Variants in PCDH7 observed in about 807,000 individuals in gnomAD.
PCDH7 encodes protocadherin 7.
Under a neutral mutation model 58.9 loss-of-function variants are expected in PCDH7, and 17 were observed. That is an observed-to-expected ratio of 0.29 (90% CI 0.20 to 0.43). The LOEUF (loss-of-function observed/expected upper bound fraction) is 0.43. PCDH7 is among the 20% of genes least tolerant of loss of function. PCDH7 has a pLI of 1.00. For missense variants in PCDH7, 1,274 were observed against 1,441.0 expected (o/e 0.88, Z 1.88); for synonymous variants, 664 against 616.4 (o/e 1.08, Z -1.14).
chr4:30,838,696 G>A (rs1430814656), intron 1 of PCDH7, among the ~76,000 whole-genome samples: 1 of 151,780 alleles, frequency 6.6e-6, no homozygotes, highest in Non-Finnish European at 1.5e-5. Context: ...ATTCAGATTG[G>A]TTCTCTCTAT....
At chr4:30,817,778 T>C (rs1027242319) in intron 1 of PCDH7, among the ~76,000 whole-genome samples, 2 of 152,134 alleles carry the variant, frequency 1.3e-5, no homozygotes, top group African/African-American at 4.8e-5. Context: ...AAAGAGTATC[T>C]AAAAGACTCC....
chr4:30,871,767 C>T (rs1223315710), intron 1 of PCDH7, among the ~76,000 whole-genome samples: 1 of 151,956 alleles, frequency 6.6e-6, no homozygotes, highest in Non-Finnish European at 1.5e-5. Context: ...AGTCAGAAGT[C>T]TGAAATCAAG....
chr4:31,117,708 G>C (rs1387298970), intron 3 of PCDH7, among the ~76,000 whole-genome samples: 1 of 151,968 alleles, frequency 6.6e-6, no homozygotes, highest in Admixed American at 6.6e-5. Context: ...AAATTTACAA[G>C]GAAAAAACCA....
At chr4:31,124,343 C>A (rs551548040) in intron 3 of PCDH7, among the ~76,000 whole-genome samples, 1 of 152,178 alleles carries the variant, frequency 6.6e-6, no homozygotes, top group Admixed American at 6.5e-5. Context: ...AGATTTAAAT[C>A]ACTTGCTAAA....
intron 3 of PCDH7, among the ~76,000 whole-genome samples, chr4:31,007,840 A>G (rs1752895878): frequency 6.6e-6 from 1 of 152,152 alleles, no homozygotes. Context: ...AAAGACAACC[A>G]TGTTGTGATT....
At chr4:30,729,843 A>G (rs907364684) in intron 1 of PCDH7, among the ~76,000 whole-genome samples, 1 of 152,010 alleles carries the variant, frequency 6.6e-6, no homozygotes, top group African/African-American at 2.4e-5. Flanking sequence ...AGAATATGAC[A>G]TTTTGTTAAC....
intron 3 of PCDH7, among the ~76,000 whole-genome samples, chr4:31,059,370 T>G (rs932951740): frequency 4.6e-5 from 7 of 151,898 alleles, no homozygotes; most frequent in African/African-American, 1.7e-4. Context: ...AATGTATGAT[T>G]ACTATTTTTT....
intron 1 of PCDH7, among the ~76,000 whole-genome samples, chr4:30,904,050 A>T (rs1313935580): frequency 6.6e-6 from 1 of 152,160 alleles, no homozygotes; most frequent in Non-Finnish European, 1.5e-5. Context: ...GGGAACACCC[A>T]TTTAAATTTC....
intron 3 of PCDH7, among the ~76,000 whole-genome samples, chr4:31,041,399 T>C (rs1286633038): frequency 1.3e-5 from 2 of 152,176 alleles, no homozygotes; most frequent in Non-Finnish European, 2.9e-5. Context: ...CTACTTGGTG[T>C]ATTTTAAAGA....
intron 1 of PCDH7, among the ~76,000 whole-genome samples, chr4:30,766,656 T>C (rs1720789952): frequency 6.6e-6 from 1 of 151,806 alleles, no homozygotes; most frequent in Non-Finnish European, 1.5e-5. Context: ...AACATATATA[T>C]ATATATATAT....
At chr4:30,871,925 A>G (rs1385187892) in intron 1 of PCDH7, among the ~76,000 whole-genome samples, 3 of 151,950 alleles carry the variant, frequency 2.0e-5, no homozygotes, top group Non-Finnish European at 4.4e-5. Flanking sequence ...TTATGGCATC[A>G]TTCTCTCTTT....
intron 3 of PCDH7, among the ~76,000 whole-genome samples, chr4:31,071,300 A>C (rs112004998): frequency 3.8e-4 from 58 of 152,182 alleles, no homozygotes; most frequent in African/African-American, 7.7e-4. Context: ...TATTTTTGTC[A>C]TTCTATCATG....
At chr4:31,119,572 G>A (rs1717404241) in intron 3 of PCDH7, among the ~76,000 whole-genome samples, 1 of 152,066 alleles carries the variant, frequency 6.6e-6, no homozygotes, top group Non-Finnish European at 1.5e-5. Context: ...GGAACGAAAG[G>A]AAGAAAAGTA....
chr4:31,134,432 C>G (rs1158099727), intron 3 of PCDH7, among the ~76,000 whole-genome samples: 1 of 152,090 alleles, frequency 6.6e-6, no homozygotes, highest in Non-Finnish European at 1.5e-5. Context: ...TGCACTCCAA[C>G]CTGGTGACAG....
intron 1 of PCDH7, 48 bp downstream of exon 1, chr4:30,724,644 ACT>A: frequency 6.4e-7 from 1 of 1,568,128 alleles, no homozygotes. Context: ...AGGGCTAATA[ACT>A]CTGAGACAGA....
intron 3 of PCDH7, among the ~76,000 whole-genome samples, chr4:31,109,035 C>T (rs951726726): frequency 1.2e-4 from 19 of 152,100 alleles, no homozygotes; most frequent in African/African-American, 3.4e-4. Context: ...GGACAACAGC[C>T]CACCTTTGCC....
At chr4:30,746,337 T>A (rs1395262608) in intron 1 of PCDH7, among the ~76,000 whole-genome samples, 2 of 152,142 alleles carry the variant, frequency 1.3e-5, no homozygotes, top group Non-Finnish European at 2.9e-5. Context: ...AAATCCTAAT[T>A]CAATCTGGTT....
intron 3 of PCDH7, among the ~76,000 whole-genome samples, chr4:31,040,361 T>A (rs578103517): frequency 6.6e-6 from 1 of 152,314 alleles, no homozygotes; most frequent in East Asian, 1.9e-4. Flanking sequence ...CATGGAAGCA[T>A]GCTGATGTAA....
intron 1 of PCDH7, among the ~76,000 whole-genome samples, chr4:30,896,888 G>GTTTT (rs1411830166): frequency 5.8e-5 from 1 of 17,368 alleles, no homozygotes; most frequent in Non-Finnish European, 1.2e-4. Flanking sequence ...CTAGTTCTTT[G>GTTTT]CTTTTTTTTT....
Sources: gnomAD v4.1 joint callset for allele counts (sites outside exome capture counted in the v4.1 genomes callset) on GRCh38, gnomAD v4.1.1 for gene constraint, MANE v1.5 for transcripts, NCBI Gene and HGNC (gene_info 2026-07-23, HGNC 2026-07-21) for gene names.